The following FRA10AC1 variants were observed in gnomAD, a reference collection of about 807,000 sequenced individuals.
FRA10AC1 encodes protein FRA10AC1.
FRA10AC1 carries 43 observed loss-of-function variants against 56.5 expected under a neutral mutation model. That is an observed-to-expected ratio of 0.76 (90% CI 0.60 to 0.98). FRA10AC1 has a LOEUF of 0.98. Among genes scored for constraint, FRA10AC1 ranks in the 50% least tolerant of loss-of-function variants. The probability of loss-of-function intolerance (pLI) is 0.00; values close to 1 mark genes in which losing one functional copy is unlikely to be tolerated. For missense variants in FRA10AC1, 346 were observed against 351.8 expected (o/e 0.98, Z 0.13); for synonymous variants, 112 against 110.5 (o/e 1.01, Z -0.09).
chr10:93,702,166 T>C (rs2059345216), intron 1 of FRA10AC1, among the ~76,000 whole-genome samples: 1 of 150,404 alleles, frequency 6.6e-6, no homozygotes, highest in South Asian at 2.1e-4. Context: ...TAAAAAGCTC[T>C]CACTCACTTC....
At chr10:93,672,043 A>C in intron 12 of FRA10AC1, 1 of 450,300 alleles carries the variant, frequency 2.2e-6, no homozygotes. Context: ...ATAACTCACA[A>C]AGTAGTTACA....
In FRA10AC1 at chr10:93,681,498, A is replaced by C; in HGVS notation, c.769T>G (p.Ser257Ala). 6.4e-7 allele frequency: 1 copy of C among 1,572,264 alleles called. No individual in the cohort carries two copies. Among genetic ancestry groups the C allele is most frequent in the Non-Finnish European group, 8.6e-7 (1 of 1,162,662 alleles). ...KSRLSSAEEASKKKDKGHSSS... is the reference protein window; with the variant it reads ...KSRLSSAEEAAKKKDKGHSSS... ...CTTTTACCTTTATCTTTTTTCTTGG[A>C]GGCCTCTTCTGCAGAAGATAATCTG... Residue 257 changes from serine to alanine, a missense_variant, in exon 11 of 14, where the codon TCC (serine) becomes GCC (alanine). Ser to Ala is a moderately conservative substitution (Grantham distance 99, BLOSUM62 1). Transcript: ENST00000359204.
chr10:93,700,449 C>G (rs2059311641), intron 1 of FRA10AC1, among the ~76,000 whole-genome samples: 1 of 152,306 alleles, frequency 6.6e-6, no homozygotes, highest in Middle Eastern at 3.4e-3. Context: ...TAGTAATAAT[C>G]ACTGTGTGTT....
intron 11 of FRA10AC1, among the ~76,000 whole-genome samples, chr10:93,678,472 T>C (rs1236765869): frequency 6.6e-6 from 1 of 152,076 alleles, no homozygotes; most frequent in African/African-American, 2.4e-5. Context: ...ACTAGAGAAA[T>C]CTAGGTAAGA....
Position 93,698,305 on chromosome 10 carries a change from C to T in FRA10AC1, c.169G>A (p.Asp57Asn). 6.2e-7 allele frequency: 1 copy of T among 1,603,506 alleles called. No homozygotes were observed. The highest frequency in any genetic ancestry group is 2.2e-5 in the East Asian group (1 of 44,714). The part of the protein sequence containing the change: ...AHKQVAAELL[D>N]REEARNRRFH... The stretch of plus-strand genomic sequence containing the variant: ...ATTGACACTGAAATACCATACCTAT[C>T]CAGCAATTCTGCTGCAACTTGTTTA... The change falls in exon 3 of 14, where the codon GAT (aspartate) becomes AAT (asparagine). Residue 57 changes from aspartate to asparagine, a missense_variant. By Grantham distance (23) the Asp-to-Asn change is conservative. Coordinates refer to ENST00000359204, the MANE Select transcript of FRA10AC1 (RefSeq NM_145246.5).
At position 93,685,295 on chromosome 10, in the gene FRA10AC1, A is replaced by G. The variant is rs2059006889; in HGVS notation, c.576T>C (p.Asn192=). The G allele has an allele frequency of 6.3e-7, 1 of 1,591,424 alleles. No individual in the cohort carries two copies. The highest frequency in any genetic ancestry group is 8.6e-7 in the Non-Finnish European group (1 of 1,161,720). Reference sequence around the variant, plus strand: ...TCTCACCATGCTCAATATAACCAAAATTAACTTCCCAACTCTTTAAGCCTT... The same window carrying G: ...TCTCACCATGCTCAATATAACCAAAGTTAACTTCCCAACTCTTTAAGCCTT... ...KKEGLKSWEV[N]FGYIEHGEKR... The change falls in exon 9 of 14, where the codon AAT becomes AAC. Residue 192 remains asparagine, a synonymous_variant. Coordinates refer to ENST00000359204, the MANE Select transcript of FRA10AC1 (RefSeq NM_145246.5).
At chr10:93,695,456 A>T (rs918142405) in intron 4 of FRA10AC1, among the ~76,000 whole-genome samples, 4 of 151,918 alleles carry the variant, frequency 2.6e-5, no homozygotes, top group Admixed American at 2.0e-4. Flanking sequence ...AAATATAAAA[A>T]ATCAATTTTT....
intron 4 of FRA10AC1, among the ~76,000 whole-genome samples, chr10:93,695,440 A>G (rs2133938523): frequency 6.6e-6 from 1 of 152,030 alleles, no homozygotes; most frequent in African/African-American, 2.4e-5. Flanking sequence ...AAACTTTCAA[A>G]AAAGCAAATA....
chr10:93,674,489 T>C (rs1408703333), intron 12 of FRA10AC1: 1 of 152,224 alleles, frequency 6.6e-6, no homozygotes, highest in East Asian at 1.9e-4. Context: ...TGTTTCATGC[T>C]TGCTATGGTA....
Position 93,669,609 on chromosome 10 carries a change from G to T in FRA10AC1, c.*217C>A. On this transcript the variant is annotated 3_prime_UTR_variant, in exon 14 of 14. Coordinates refer to ENST00000359204, the MANE Select transcript of FRA10AC1 (RefSeq NM_145246.5). ...ACAAATAAAACAGAATTGTAGATAAGCAATTGAAAAGATATTTAAAGGACA... is the reference window on the plus strand; with the variant it reads ...ACAAATAAAACAGAATTGTAGATAATCAATTGAAAAGATATTTAAAGGACA... The T allele has an allele frequency of 1.9e-6, 1 of 521,484 alleles. No individual in the cohort carries two copies. Among genetic ancestry groups the T allele is most frequent in the Non-Finnish European group, 3.4e-6 (1 of 292,674 alleles). The allele number at this position is 521,484 out of a possible 1,614,324, so 32.3% of individuals were successfully genotyped here. A position where few individuals can be genotyped will look rare whatever the true frequency, so the allele number is the denominator to read the frequency against.
At chr10:93,671,343 T>C (rs935128552) in intron 12 of FRA10AC1, 1 of 153,004 alleles carries the variant, frequency 6.5e-6, no homozygotes, top group Non-Finnish European at 1.5e-5. Context: ...GCTGATTACA[T>C]AATGAGAAGA....
rs1346769827 is a variant in FRA10AC1 at position 93,702,516 on chromosome 10, A to ACCGCCGCCGCCGCCGCCGCCGCCGCCG, written c.-143_-142insCGGCGGCGGCGGCGGCGGCGGCGGCGG. The ACCGCCGCCGCCGCCGCCGCCGCCGCCG allele has an allele frequency of 4.0e-5, 6 of 151,818 alleles. No homozygotes were observed. The highest frequency in any genetic ancestry group is 1.9e-4 in the African/African-American group (5 of 25,696). The allele number at this position is 151,818 out of a possible 1,614,324, so 9.4% of individuals were successfully genotyped here. ...CGCCCTGCCGCACAGCCTCGCCACA[A>ACCGCCGCCGCCGCCGCCGCCGCCGCCG]CCACCACCGCCGCCGCCGCCGCCGC... On this transcript the variant is annotated 5_prime_UTR_variant, in exon 1 of 14. Coordinates refer to ENST00000359204, the MANE Select transcript of FRA10AC1 (RefSeq NM_145246.5).
In FRA10AC1 at chr10:93,692,699, T is replaced by C; in HGVS notation, c.327A>G (p.Ile109Met). The change falls in exon 6 of 14, where the codon ATA (isoleucine) becomes ATG (methionine). Residue 109 changes from isoleucine to methionine, a missense_variant. Ile to Met is a conservative substitution (Grantham distance 10). Transcript: ENST00000359204. Reference sequence around the variant, plus strand: ...TCCATAGGAATCTATGATTTTCTCGTATAACATCCAAGTCTGTCTTGTCAT... The same window carrying C: ...TCCATAGGAATCTATGATTTTCTCGCATAACATCCAAGTCTGTCTTGTCAT... The part of the protein sequence containing the change: ...GENDKTDLDV[I>M]RENHRFLWNE... 1 of 1,594,090 alleles carries C rather than the reference T, an allele frequency of 6.3e-7. No individual in the cohort carries two copies. Among genetic ancestry groups the C allele is most frequent in the Non-Finnish European group, 8.5e-7 (1 of 1,172,004 alleles).
chr10:93,699,667 G>A (rs1378452556), intron 2 of FRA10AC1, among the ~76,000 whole-genome samples: 1 of 152,202 alleles, frequency 6.6e-6, no homozygotes, highest in Non-Finnish European at 1.5e-5. Flanking sequence ...TTGAAGGCAA[G>A]TAATGGCAAG....
intron 12 of FRA10AC1, chr10:93,673,318 C>T (rs945971754): frequency 8.8e-6 from 4 of 456,530 alleles, no homozygotes; most frequent in Admixed American, 7.0e-5. Flanking sequence ...CTCACCTCTT[C>T]CCTCCCATCC....
chr10:93,678,543 T>G (rs575892181), intron 11 of FRA10AC1, among the ~76,000 whole-genome samples: 4 of 152,204 alleles, frequency 2.6e-5, no homozygotes, highest in Non-Finnish European at 4.4e-5. Context: ...TAAAAGCAGC[T>G]AAGGAGGTCG....
chr10:93,676,057 A>G (rs563716934), intron 12 of FRA10AC1, among the ~76,000 whole-genome samples: 23 of 152,334 alleles, frequency 1.5e-4, no homozygotes, highest in African/African-American at 4.3e-4. Context: ...GTTGTTAGGA[A>G]GAACACTGAC....
chr10:93,670,297 T>C (rs375494126), intron 13 of FRA10AC1, among the ~76,000 whole-genome samples: 1 of 152,142 alleles, frequency 6.6e-6, no homozygotes, highest in South Asian at 2.1e-4. Context: ...TAAGGGGAAT[T>C]GGGTAAATCT....
chr10:93,691,887 C>T (rs543476528), intron 7 of FRA10AC1, 122 bp downstream of exon 7: 42 of 1,066,198 alleles, frequency 3.9e-5, no homozygotes, highest in East Asian at 2.0e-4. Context: ...ACATCATAAA[C>T]GCAGGACAAC....
Sources: allele counts gnomAD v4.1 joint callset (sites outside exome capture counted in the v4.1 genomes callset), GRCh38; gene constraint gnomAD v4.1.1; transcripts MANE v1.5; gene names NCBI Gene and HGNC (gene_info 2026-07-23, HGNC 2026-07-21).